MICAL2: variants seen among roughly 807,000 people sequenced by gnomAD.
MICAL2 encodes microtubule associated monooxygenase, calponin and LIM domain containing 2.
MICAL2 carries 77 observed loss-of-function variants against 127.3 expected under a neutral mutation model. That is an observed-to-expected ratio of 0.60 (90% CI 0.50 to 0.73). The LOEUF is 0.73. Among genes scored for constraint, MICAL2 ranks in the 30% least tolerant of loss-of-function variants. The pLI, the probability that MICAL2 is intolerant of heterozygous loss-of-function variation, is 0.00. For missense variants in MICAL2, 1,351 were observed against 1,434.4 expected, an observed-to-expected ratio of 0.94 and a Z score of 0.94; for synonymous variants, 570 against 551.1, an observed-to-expected ratio of 1.03 and a Z score of -0.48.
intron 2 of MICAL2, among the ~76,000 whole-genome samples, chr11:12,156,910 G>A (rs1033297693): frequency 3.3e-5 from 5 of 152,226 alleles, no homozygotes; most frequent in South Asian, 2.1e-4. Context: ...CCACTTCATC[G>A]CCAAGGAACC....
chr11:12,287,214 C>G, exon 3 of MICAL2: 1 of 398,866 alleles, frequency 2.5e-6, no homozygotes, highest in Non-Finnish European at 4.4e-6. Flanking sequence ...GGCAGAAGAT[C>G]TCTGGTTAAT....
intron 12 of MICAL2, among the ~76,000 whole-genome samples, chr11:12,224,096 A>G (rs977647419): frequency 2.0e-5 from 3 of 152,118 alleles, no homozygotes; most frequent in African/African-American, 7.2e-5. Flanking sequence ...CCACTGCTGT[A>G]ATAAACCACT....
chr11:12,244,168 C>T, intron 21 of MICAL2, 56 bp downstream of exon 21: 2 of 1,604,038 alleles, frequency 1.2e-6, no homozygotes, highest in Non-Finnish European at 1.7e-6. Flanking sequence ...CAGATGTTCT[C>T]ATGCTCCACT....
downstream of MICAL2, among the ~76,000 whole-genome samples, chr11:12,267,918 C>T (rs1863627796): frequency 6.6e-6 from 1 of 152,182 alleles, no homozygotes; most frequent in African/African-American, 2.4e-5. Context: ...GAATTTATGT[C>T]TCACTGCTGC....
chr11:12,188,022 A>G (rs887370358), intron 3 of MICAL2, among the ~76,000 whole-genome samples: 4 of 151,960 alleles, frequency 2.6e-5, no homozygotes, highest in Admixed American at 6.6e-5. Flanking sequence ...TCCCATCCAT[A>G]TATGTGGGCA....
At chr11:12,144,593 T>C (rs1486264217) in intron 2 of MICAL2, among the ~76,000 whole-genome samples, 1 of 152,072 alleles carries the variant, frequency 6.6e-6, no homozygotes, top group East Asian at 1.9e-4. Context: ...CTCAATGTAG[T>C]GAATTGCTCA....
chr11:12,141,557 G>A (rs1852355892), intron 2 of MICAL2, among the ~76,000 whole-genome samples: 1 of 152,232 alleles, frequency 6.6e-6, no homozygotes, highest in African/African-American at 2.4e-5. Context: ...TCCTGTTGTT[G>A]CCCTACTCTT....
chr11:12,214,913 A>G (rs1320548914), intron 7 of MICAL2, among the ~76,000 whole-genome samples: 1 of 152,168 alleles, frequency 6.6e-6, no homozygotes, highest in Non-Finnish European at 1.5e-5. Flanking sequence ...CTTCTGTTAA[A>G]TTATTTCTTT....
intron 3 of MICAL2, among the ~76,000 whole-genome samples, chr11:12,177,081 C>A (rs1028803762): frequency 2.0e-5 from 3 of 152,132 alleles, no homozygotes; most frequent in Non-Finnish European, 4.4e-5. Flanking sequence ...AGGAACTGTC[C>A]TATTGTTTTC....
chr11:12,299,829 G>A (rs1334391666), intron 29 of MICAL2, among the ~76,000 whole-genome samples: 1 of 152,132 alleles, frequency 6.6e-6, no homozygotes, highest in Non-Finnish European at 1.5e-5. Flanking sequence ...CCCATTATAT[G>A]CCCTGCCCAA....
chr11:12,287,136 C>G lies in MICAL2; in HGVS notation c.306C>G (p.Tyr102Ter). ...TCCAGTCTCCAACCCCAAGCAAATA[C>G]CAGAACTGGAGGAGAGAATTCTGGT... Residue 102 changes from tyrosine (Y) to a stop codon, truncating the protein, a stop_gained, in exon 3 of 3, where the codon TAC becomes TAG. Transcript: ENST00000529028. LOFTEE classifies it low-confidence loss of function (END_TRUNC). The G allele has an allele frequency of 2.5e-6, 1 of 398,930 alleles. No individual in the cohort carries two copies. Among genetic ancestry groups the G allele is most frequent in the Non-Finnish European group, 4.4e-6 (1 of 226,058 alleles). 24.7% of individuals were successfully genotyped at this position (398,930 alleles called of 1,614,324 possible). A position where few individuals can be genotyped will look rare whatever the true frequency, so the allele number is the denominator to read the frequency against.
intron 22 of MICAL2, 33 bp downstream of exon 22, chr11:12,249,279 T>TCACCTGCAAAGGGGGATTATCAGACC: frequency 7.8e-7 from 1 of 1,287,314 alleles, no homozygotes; most frequent in Non-Finnish European, 1.1e-6. Flanking sequence ...TTCAGCTGCC[T>TCACCTGCAAAGGGGGATTATCAGACC]CACCTGCAAA....
At chr11:12,229,738 C>A (rs1350811157) in intron 15 of MICAL2, among the ~76,000 whole-genome samples, 1 of 152,208 alleles carries the variant, frequency 6.6e-6, no homozygotes, top group Non-Finnish European at 1.5e-5. Context: ...GGGCTGAGGG[C>A]CTCACTCCAC....
intron 1 of MICAL2, among the ~76,000 whole-genome samples, chr11:12,134,681 A>G (rs1873866): frequency 0.99 from 150,896 of 152,296 alleles, 74,766 homozygotes; most frequent in East Asian, 1. Context: ...CAAGGCACAG[A>G]AACCAAACTT....
At chr11:12,114,806 TAGA>T (rs970509182) in intron 1 of MICAL2, among the ~76,000 whole-genome samples, 2 of 152,172 alleles carry the variant, frequency 1.3e-5, no homozygotes, top group Admixed American at 6.5e-5. Context: ...CCTAAAATAA[TAGA>T]AGAACTATCT....
At chr11:12,343,290 C>T (rs931689479) in intron 32 of MICAL2, among the ~76,000 whole-genome samples, 3 of 151,496 alleles carry the variant, frequency 2.0e-5, no homozygotes, top group Admixed American at 1.3e-4. Flanking sequence ...TGCTTGTAAT[C>T]TCAGCTACTC....
chr11:12,181,417 G>A (rs1857468338), intron 3 of MICAL2, among the ~76,000 whole-genome samples: 1 of 152,194 alleles, frequency 6.6e-6, no homozygotes, highest in Admixed American at 6.5e-5. Flanking sequence ...TCAATTTGCG[G>A]TTAAGGATGG....
intron 7 of MICAL2, among the ~76,000 whole-genome samples, chr11:12,215,978 C>T (rs1341592792): frequency 6.6e-6 from 1 of 152,212 alleles, no homozygotes; most frequent in Non-Finnish European, 1.5e-5. Context: ...ACAACCCCTA[C>T]AGACGTTGTG....
At chr11:12,321,964 GCAGTA>G (rs1344212874) in intron 30 of MICAL2, among the ~76,000 whole-genome samples, 3 of 151,808 alleles carry the variant, frequency 2.0e-5, no homozygotes, top group Non-Finnish European at 4.4e-5. Flanking sequence ...ACAAGGAAAG[GCAGTA>G]TAGACCAAAT....
Sources: gnomAD v4.1 joint callset for allele counts (sites outside exome capture counted in the v4.1 genomes callset) on GRCh38, gnomAD v4.1.1 for gene constraint, MANE v1.5 for transcripts, NCBI Gene and HGNC (gene_info 2026-07-23, HGNC 2026-07-21) for gene names.